GPANK1: variants seen among roughly 807,000 people sequenced by gnomAD.
The protein encoded by GPANK1 is G-patch domain and ankyrin repeats 1.
Under a neutral mutation model 24.0 loss-of-function variants are expected in GPANK1, and 22 were observed. The ratio of observed to expected loss-of-function variants is 0.92; its 90% CI spans 0.66 to 1.31. The LOEUF (loss-of-function observed/expected upper bound fraction) is 1.31. Ranked by LOEUF, GPANK1 falls within the 50% of genes most tolerant of loss-of-function variation. The probability of loss-of-function intolerance (pLI) is 0.00; values close to 1 mark genes in which losing one functional copy is unlikely to be tolerated. For missense variants in GPANK1, 469 were observed against 453.5 expected (o/e 1.03, Z -0.31); for synonymous variants, 174 against 177.4 (o/e 0.98, Z 0.15).
chr6:31,666,145 C>G (rs1298958022), upstream of GPANK1: 5 of 991,232 alleles, frequency 5.0e-6, no homozygotes, highest in South Asian at 4.4e-5. Flanking sequence ...CTGTAGCGGT[C>G]GCCGCCGTTC....
chr6:31,664,132 T>C lies in GPANK1; in HGVS notation c.347A>G (p.Asp116Gly). 1.2e-6 allele frequency: 2 copies of C among 1,614,106 alleles called. No individual in the cohort carries two copies. The highest frequency in any genetic ancestry group is 1.7e-6 in the Non-Finnish European group (2 of 1,179,986). ...CAGCAGTCTCCTAAGTTCTGGCAGG[T>C]CCCCCTCCTGGGCTGCCCTCAGTAT... The part of the protein sequence containing the change: ...HRILRAAQEG[D>G]LPELRRLLEP... The change falls in exon 2 of 3, where the codon GAC becomes GGC. Residue 116 changes from aspartate (D) to glycine (G), a missense_variant. Coordinates refer to ENST00000375896, the MANE Select transcript of GPANK1 (RefSeq NM_033177.4).
upstream of GPANK1, chr6:31,665,838 C>G (rs184522740): frequency 2.3e-3 from 2,686 of 1,162,592 alleles, 12 homozygotes; most frequent in Middle Eastern, 4.0e-3. Flanking sequence ...ATTGCCCAGA[C>G]TCCCGGGCCC....
rs1271484874 is a variant in GPANK1, at chr6:31,664,258, CTTCTT to C, written c.216_220del (p.Arg73AsnfsTer25). 7 of 1,613,840 alleles carry C rather than the reference CTTCTT, an allele frequency of 4.3e-6. No homozygotes were observed. In the Admixed American group the frequency reaches 5.0e-5, roughly 12 times the overall value. ...TTCTGCTGCTGGTGCCTTCATTATT[CTTCTT>C]TTCTTTCTCTTTCTTTCTCTGGCAG... On this transcript the variant is annotated frameshift_variant, in exon 2 of 3. Transcript: ENST00000375896. LOFTEE classifies it high-confidence loss of function.
In GPANK1 at chr6:31,662,879, G is replaced by A. The variant is rs577349554; in HGVS notation, c.627-169C>T. Among the ~76,000 whole-genome samples, 1 of 152,194 alleles carries A rather than the reference G, an allele frequency of 6.6e-6. No homozygotes were observed. Among genetic ancestry groups the A allele is most frequent in the South Asian group, 2.1e-4 (1 of 4,820 alleles). On this transcript the variant is annotated intron_variant, in intron 2 of 2. Transcript: ENST00000375896. The surrounding 1 kb of genome is among the most constrained non-coding windows in gnomAD (Gnocchi z 5.5). ...CGCCTGTAATCCCAACACTTTGGGA[G>A]GCAGAGGCGGGCAGATGGCTTTGAG...
At position 31,662,935 on chromosome 6, in the gene GPANK1, T is replaced by A. The variant is rs1801086555; in HGVS notation, c.627-225A>T. ...GAGTTTGAGACCAGCCTGGGCAAAATGGCAACGCCTGCTTTTTTTTTTTTT... is the reference window on the plus strand; with the variant it reads ...GAGTTTGAGACCAGCCTGGGCAAAAAGGCAACGCCTGCTTTTTTTTTTTTT... On this transcript the variant is annotated intron_variant, in intron 2 of 2. Transcript: ENST00000375896. This position sits in a 1 kb window ranked among gnomAD's most constrained non-coding sequence, Gnocchi z 5.5. Among the ~76,000 whole-genome samples the A allele has an allele frequency of 6.8e-6, 1 of 146,770 alleles. No homozygotes were observed. Among genetic ancestry groups the A allele is most frequent in the Admixed American group, 6.8e-5 (1 of 14,712 alleles).
upstream of GPANK1, chr6:31,666,099 C>G (rs550699129): frequency 1.0e-6 from 1 of 993,812 alleles, no homozygotes; most frequent in Non-Finnish European, 1.2e-6. Flanking sequence ...TCCCCCCACC[C>G]CACTTCGCCT....
At chr6:31,665,755 G>A (rs574431558), upstream of GPANK1, 83 of 957,938 alleles carry the variant, frequency 8.7e-5, no homozygotes, top group Non-Finnish European at 1.1e-4. Flanking sequence ...GAGAGCTGCG[G>A]AAAGAGATCC....
chr6:31,662,112 G>T lies in GPANK1; in HGVS notation c.*154C>A. ...AACCACAAATGGTTGATTTATTTCT[G>T]ACTCTCAGCCCGTCTCTCACGAAGA... On this transcript the variant is annotated 3_prime_UTR_variant, in exon 3 of 3. Transcript: ENST00000375896. The surrounding 1 kb of genome is among the most constrained non-coding windows in gnomAD (Gnocchi z 5.5). 4.2e-6 allele frequency: 2 copies of T among 474,502 alleles called. No homozygotes were observed. The highest frequency in any genetic ancestry group is 3.3e-5 in the East Asian group (1 of 30,690). The allele number at this position is 474,502 out of a possible 1,614,324, so 29.4% of individuals were successfully genotyped here. A position where few individuals can be genotyped will look rare whatever the true frequency, so the allele number is the denominator to read the frequency against.
Position 31,664,510 on chromosome 6 carries a change from G to A in GPANK1, c.-32C>T, listed in dbSNP as rs776111699. Reference sequence around the variant, plus strand: ...TGGGAGAACTGAGAAAATGATACCAGGCAAGGGAAGGATGAGACAAGTAAG... The same window carrying A: ...TGGGAGAACTGAGAAAATGATACCAAGCAAGGGAAGGATGAGACAAGTAAG... On this transcript the variant is annotated 5_prime_UTR_variant, in exon 2 of 3. Transcript: ENST00000375896. The A allele has an allele frequency of 7.1e-6, 11 of 1,547,792 alleles. No individual in the cohort carries two copies. The Admixed American group carries it at 1.2e-4, about 17-fold the overall frequency.
At position 31,664,482 on chromosome 6, in the gene GPANK1, T is replaced by C. The variant is rs1801366669; in HGVS notation, c.-4A>G. ...TGATGAGCAAGGGCCGGGACATGGC[T>C]TTTGGGAGAACTGAGAAAATGATAC... On this transcript the variant is annotated 5_prime_UTR_variant, in exon 2 of 3. Transcript: ENST00000375896. 5.0e-6 allele frequency: 8 copies of C among 1,599,422 alleles called. No individual in the cohort carries two copies. The highest frequency in any genetic ancestry group is 1.4e-5 in the African/African-American group (1 of 74,070).
Position 31,662,694 on chromosome 6 carries a change from G to C in GPANK1, c.643C>G (p.Leu215Val), listed in dbSNP as rs771379247. The change falls in exon 3 of 3, where the codon CTC becomes GTC. Residue 215 changes from leucine to valine, a missense_variant. Leu to Val is a conservative substitution (Grantham distance 32). Coordinates refer to ENST00000375896, the MANE Select transcript of GPANK1 (RefSeq NM_033177.4). This position sits in a 1 kb window ranked among gnomAD's most constrained non-coding sequence, Gnocchi z 5.5. The part of the protein sequence containing the change: ...SPENRSPTPS[L>V]QYCENCDTHF... ...GTGTCACAGTTCTCGCAGTACTGGAGGGAGGGAGTAGGAGACCTGCAGAGA... is the reference window on the plus strand; with the variant it reads ...GTGTCACAGTTCTCGCAGTACTGGACGGAGGGAGTAGGAGACCTGCAGAGA... The C allele has an allele frequency of 3.8e-6, 6 of 1,594,308 alleles. No homozygotes were observed. The African/African-American group carries it at 6.7e-5, about 18-fold the overall frequency.
rs1258794602 is a variant in GPANK1 at position 31,662,169 on chromosome 6, G to C, written c.*97C>G. 6.9e-6 allele frequency: 5 copies of C among 729,618 alleles called. No homozygotes were observed. Among genetic ancestry groups the C allele is most frequent in the Admixed American group, 2.7e-5 (1 of 36,786 alleles). 45.2% of individuals were successfully genotyped at this position (729,618 alleles called of 1,614,324 possible). On this transcript the variant is annotated 3_prime_UTR_variant, in exon 3 of 3. Transcript: ENST00000375896. This position sits in a 1 kb window ranked among gnomAD's most constrained non-coding sequence, Gnocchi z 5.5. The stretch of plus-strand genomic sequence containing the variant: ...CTATTGACCAAAAACTTCAGGATCT[G>C]CATCTGAGCAGATCCCAGGAAGGGG...
At chr6:31,666,095 C>A, upstream of GPANK1, 1 of 994,408 alleles carries the variant, frequency 1.0e-6, no homozygotes, top group Non-Finnish European at 1.2e-6. Context: ...CCACTCCCCC[C>A]ACCCCACTTC....
chr6:31,664,883 G>A lies in GPANK1; in HGVS notation c.-142C>T. 4.4e-6 allele frequency: 1 copy of A among 224,946 alleles called. No individual in the cohort carries two copies. Among genetic ancestry groups the A allele is most frequent in the Non-Finnish European group, 8.8e-6 (1 of 114,262 alleles). The allele number at this position is 224,946 out of a possible 1,614,324, so 13.9% of individuals were successfully genotyped here. A position where few individuals can be genotyped will look rare whatever the true frequency, so the allele number is the denominator to read the frequency against. ...CAGCCTGGCCCTTTAAGTCTTCCGCGATCCCATTTCGGAGTTTCCTCTTCC... is the reference window on the plus strand; with the variant it reads ...CAGCCTGGCCCTTTAAGTCTTCCGCAATCCCATTTCGGAGTTTCCTCTTCC... On this transcript the variant is annotated 5_prime_UTR_variant, in exon 1 of 3. Coordinates refer to ENST00000375896, the MANE Select transcript of GPANK1 (RefSeq NM_033177.4).
Position 31,664,258 on chromosome 6 carries a change from C to T in GPANK1, c.221G>A (p.Arg74Lys). Residue 74 changes from arginine (R) to lysine (K), a missense_variant, in exon 2 of 3, where the codon AGA becomes AAA. Coordinates refer to ENST00000375896, the MANE Select transcript of GPANK1 (RefSeq NM_033177.4). Reference protein sequence around the residue: ...PARERKRKKRRIMKAPAAEAV... With the variant: ...PARERKRKKRKIMKAPAAEAV... ...TTCTGCTGCTGGTGCCTTCATTATT[C>T]TTCTTTTCTTTCTCTTTCTTTCTCT... 3 of 1,613,958 alleles carry T rather than the reference C, an allele frequency of 1.9e-6. No homozygotes were observed. Among genetic ancestry groups the T allele is most frequent in the Non-Finnish European group, 2.5e-6 (3 of 1,179,818 alleles).
At chr6:31,665,284 A>G, upstream of GPANK1, 1 of 694,384 alleles carries the variant, frequency 1.4e-6, no homozygotes, top group South Asian at 1.7e-5. Flanking sequence ...CTCCAAGCCC[A>G]TTTTCTGGAG....
In GPANK1 at chr6:31,662,676, A is replaced by G; in HGVS notation, c.661T>C (p.Cys221Arg). The G allele has an allele frequency of 3.1e-6, 5 of 1,609,720 alleles. No individual in the cohort carries two copies. Among genetic ancestry groups the G allele is most frequent in the Non-Finnish European group, 4.2e-6 (5 of 1,177,514 alleles). ...PTPSLQYCEN[C>R]DTHFQDSNHR... is the part of the protein sequence containing the mutation. ...TTGGAATCTTGGAAGTGGGTGTCAC[A>G]GTTCTCGCAGTACTGGAGGGAGGGA... is the stretch of plus-strand genomic sequence containing the variant. The change falls in exon 3 of 3, where the codon TGT becomes CGT. Residue 221 changes from cysteine to arginine, a missense_variant. Coordinates refer to ENST00000375896, the MANE Select transcript of GPANK1 (RefSeq NM_033177.4). This position sits in a 1 kb window ranked among gnomAD's most constrained non-coding sequence, Gnocchi z 5.5.
chr6:31,665,099 G>T, upstream of GPANK1: 1 of 374,550 alleles, frequency 2.7e-6, no homozygotes, highest in Non-Finnish European at 5.0e-6. Flanking sequence ...CATTACTTGA[G>T]GGCTCGGGCG....
chr6:31,666,116 G>A, upstream of GPANK1: 1 of 994,526 alleles, frequency 1.0e-6, no homozygotes, highest in Non-Finnish European at 1.2e-6. Flanking sequence ...GCCTGCCGCG[G>A]TCGGGTCCGC....
Sources: gnomAD v4.1 joint callset for allele counts (sites outside exome capture counted in the v4.1 genomes callset) on GRCh38, gnomAD v4.1.1 for gene constraint, Gnocchi (gnomAD v3.1) non-coding constraint, MANE v1.5 for transcripts, NCBI Gene and HGNC (gene_info 2026-07-23, HGNC 2026-07-21) for gene names.